Variants in NKAIN3 observed in about 807,000 individuals in gnomAD.
NKAIN3 encodes the protein sodium/potassium-transporting ATPase subunit beta-1-interacting protein 3.
A neutral mutation model predicts 30.2 loss-of-function variants in NKAIN3; 25 were observed. That is an observed-to-expected ratio of 0.83 (90% confidence interval 0.60 to 1.16). The LOEUF is 1.16. NKAIN3 is among the 50% of genes most tolerant of loss of function. NKAIN3 has a pLI of 0.00. For missense variants in NKAIN3, 225 were observed against 254.1 expected (o/e 0.89, Z 0.78); for synonymous variants, 91 against 89.6 (o/e 1.02, Z -0.09).
intron 4 of NKAIN3, among the ~76,000 whole-genome samples, chr8:62,802,965 C>A (rs61377731): frequency 6.6e-6 from 1 of 152,058 alleles, no homozygotes; most frequent in African/African-American, 2.4e-5. Context: ...GGTTGCAATC[C>A]TAGTCTCTGA....
At chr8:62,866,020 A>C (rs1053332090) in intron 4 of NKAIN3, among the ~76,000 whole-genome samples, 1 of 152,208 alleles carries the variant, frequency 6.6e-6, no homozygotes, top group Non-Finnish European at 1.5e-5. Flanking sequence ...TTAAAGGAAG[A>C]AAAAATAGGC....
At chr8:62,342,044 C>T (rs772132001) in intron 1 of NKAIN3, among the ~76,000 whole-genome samples, 10 of 151,928 alleles carry the variant, frequency 6.6e-5, no homozygotes, top group Non-Finnish European at 1.2e-4. Context: ...GATCTTCTAT[C>T]TCCCAGTGTA....
chr8:62,797,684 TATA>T (rs1475443969), intron 4 of NKAIN3, among the ~76,000 whole-genome samples: 2 of 152,164 alleles, frequency 1.3e-5, no homozygotes, highest in African/African-American at 4.8e-5. Context: ...TAAAAACAAC[TATA>T]ATGTTATGGG....
At chr8:62,400,069 T>A (rs1817886812) in intron 1 of NKAIN3, among the ~76,000 whole-genome samples, 1 of 152,166 alleles carries the variant, frequency 6.6e-6, no homozygotes, top group Non-Finnish European at 1.5e-5. Flanking sequence ...TTTGTTTTGT[T>A]TTGTTTTGTT....
At chr8:62,826,275 TGTGA>T (rs1398687765) in intron 4 of NKAIN3, among the ~76,000 whole-genome samples, 4 of 149,134 alleles carry the variant, frequency 2.7e-5, no homozygotes, top group Non-Finnish European at 4.4e-5. Flanking sequence ...AAGTGGTGTG[TGTGA>T]GTGTTTGTGT....
At chr8:62,888,228 A>G (rs79853679) in intron 4 of NKAIN3, among the ~76,000 whole-genome samples, 2,929 of 152,312 alleles carry the variant, frequency 0.019, 89 homozygotes, top group African/African-American at 0.067. Context: ...GGTCATGTTT[A>G]AAATAAAAGT....
intron 1 of NKAIN3, among the ~76,000 whole-genome samples, chr8:62,500,489 A>AAAG (rs1563427554): frequency 2.0e-4 from 25 of 124,650 alleles, no homozygotes; most frequent in Middle Eastern, 3.9e-3. Context: ...AAGAAAGAAG[A>AAAG]AAAGAAAGAA....
intron 4 of NKAIN3, chr8:62,855,650 C>G: frequency 1.2e-6 from 2 of 1,604,416 alleles, no homozygotes; most frequent in Non-Finnish European, 1.7e-6. Flanking sequence ...CTCCAGGTTC[C>G]TGAAGTGCTG....
chr8:62,430,785 A>G (rs892866149), intron 1 of NKAIN3, among the ~76,000 whole-genome samples: 1 of 151,762 alleles, frequency 6.6e-6, no homozygotes, highest in African/African-American at 2.4e-5. Context: ...AGTAAGTTCT[A>G]CTCTTTGTGG....
At chr8:62,667,349 A>G (rs1563507985) in intron 3 of NKAIN3, among the ~76,000 whole-genome samples, 1 of 72,270 alleles carries the variant, frequency 1.4e-5, no homozygotes, top group Non-Finnish European at 2.4e-5. Context: ...TATATTCTTT[A>G]TATATATATC....
At chr8:62,382,300 G>A (rs1817302222) in intron 1 of NKAIN3, among the ~76,000 whole-genome samples, 2 of 152,062 alleles carry the variant, frequency 1.3e-5, no homozygotes, top group Admixed American at 1.3e-4. Flanking sequence ...TTCATTAAGT[G>A]GGTCATAATA....
intron 1 of NKAIN3, among the ~76,000 whole-genome samples, chr8:62,353,897 T>C (rs1295724725): frequency 6.6e-6 from 1 of 152,184 alleles, no homozygotes; most frequent in African/African-American, 2.4e-5. Flanking sequence ...TTAATGAACA[T>C]TTCAGATGCT....
intron 4 of NKAIN3, among the ~76,000 whole-genome samples, chr8:62,798,544 C>T (rs557272659): frequency 6.6e-6 from 1 of 151,740 alleles, no homozygotes; most frequent in East Asian, 1.9e-4. Context: ...TGCACTCCAG[C>T]CTGGGTGACA....
In NKAIN3 at chr8:62,665,673, G is replaced by C. The variant is rs139611713; in HGVS notation, c.273+75879G>C. Among the ~76,000 whole-genome samples, 508 of 152,218 alleles carry C rather than the reference G, an allele frequency of 3.3e-3. 5 individuals are homozygous for C. The highest frequency in any genetic ancestry group is 0.012 in the African/African-American group (481 of 41,532). On this transcript the variant is annotated intron_variant, in intron 3 of 6. Transcript: ENST00000623646. ...AAGTTCATAGATCATTCTTCATATA[G>C]CCTTCCCAGTATAGGAATGGCTTCC...
At chr8:62,277,715 G>A (rs1391883262) in intron 1 of NKAIN3, among the ~76,000 whole-genome samples, 3 of 152,114 alleles carry the variant, frequency 2.0e-5, no homozygotes, top group Non-Finnish European at 4.4e-5. Flanking sequence ...TTTTGGATAT[G>A]GCCTTGAATA....
At chr8:62,961,022 G>A (rs1823556633) in intron 6 of NKAIN3, among the ~76,000 whole-genome samples, 1 of 152,198 alleles carries the variant, frequency 6.6e-6, no homozygotes, top group African/African-American at 2.4e-5. Context: ...GCTCATGCCT[G>A]TAATCCCAGC....
chr8:62,880,034 G>A lies in NKAIN3; in HGVS notation c.472-38419G>A, dbSNP rs574007006. Among the ~76,000 whole-genome samples, 3 of 152,302 alleles carry A rather than the reference G, an allele frequency of 2.0e-5. No homozygotes were observed. In the South Asian group the frequency reaches 6.2e-4, roughly 32 times the overall value. ...GCTTAAACTTTACAGCCTCCTCCGA[G>A]TAAGAGATCGCCAGTCCCTACATTA... On this transcript the variant is annotated intron_variant, in intron 4 of 6. Transcript: ENST00000623646.
chr8:62,883,829 G>GATTATTAATTTTAGATCTTTCTTTTTTC (rs1821065878), intron 4 of NKAIN3, among the ~76,000 whole-genome samples: 1 of 151,896 alleles, frequency 6.6e-6, no homozygotes, highest in African/African-American at 2.4e-5. Context: ...TTGAAACTTA[G>GATTATTAATTTTAGATCTTTCTTTTTTC]ATTATTAATT....
intron 4 of NKAIN3, among the ~76,000 whole-genome samples, chr8:62,845,379 C>G (rs1209582057): frequency 6.8e-6 from 1 of 146,230 alleles, no homozygotes; most frequent in Non-Finnish European, 1.5e-5. Context: ...TCTCATCAGT[C>G]CTTCCCCAAA....
Sources: gnomAD v4.1 joint callset for allele counts (sites outside exome capture counted in the v4.1 genomes callset) on GRCh38, gnomAD v4.1.1 for gene constraint, MANE v1.5 for transcripts, NCBI Gene and HGNC (gene_info 2026-07-23, HGNC 2026-07-21) for gene names.